TTLL7: variants seen among roughly 807,000 people sequenced by gnomAD.
The protein encoded by TTLL7 is tubulin polyglutamylase TTLL7.
A neutral mutation model predicts 120.2 loss-of-function variants in TTLL7; 53 were observed. That is an observed-to-expected ratio of 0.44 (90% CI 0.35 to 0.55). The LOEUF (loss-of-function observed/expected upper bound fraction) is 0.55, where lower values mean the gene tolerates loss of function less well. Ranked by LOEUF, TTLL7 falls within the 20% of genes least tolerant of loss-of-function variation. The pLI, the probability that TTLL7 is intolerant of heterozygous loss-of-function variation, is 0.00. For synonymous variants in TTLL7, 353 were observed against 351.7 expected (o/e 1.00, Z -0.04); for missense variants, 803 against 1,054.7 (o/e 0.76, Z 3.31).
intron 1 of TTLL7, among the ~76,000 whole-genome samples, chr1:83,988,771 C>A (rs1652718473): frequency 6.6e-6 from 1 of 151,910 alleles, no homozygotes; most frequent in African/African-American, 2.4e-5. Flanking sequence ...TGCGGTGGCA[C>A]GATCTCAGCT....
At chr1:83,976,033 CTG>C (rs34596192) in intron 1 of TTLL7, among the ~76,000 whole-genome samples, 3,138 of 147,844 alleles carry the variant, frequency 0.021, 36 homozygotes, top group Middle Eastern at 0.045. Flanking sequence ...TTGTCTCTCT[CTG>C]TGTGTGTGTG....
Position 83,914,250 on chromosome 1 carries a change from A to G in TTLL7, c.1588-2887T>C, listed in dbSNP as rs1276322730. ...ACTTTTCATGTTTCTACAACATCCT[A>G]TACAGTATCATAACTCCATATCTTT... On this transcript the variant is annotated intron_variant, in intron 14 of 20. Transcript: ENST00000260505. Among the ~76,000 whole-genome samples the G allele has an allele frequency of 2.0e-5, 3 of 150,212 alleles. No homozygotes were observed. In the East Asian group the frequency reaches 5.9e-4, roughly 29 times the overall value.
intron 18 of TTLL7, among the ~76,000 whole-genome samples, chr1:83,890,687 C>T (rs558390458): frequency 2.0e-3 from 281 of 142,800 alleles, no homozygotes; most frequent in Non-Finnish European, 3.6e-3. Flanking sequence ...GATGTGAAGA[C>T]TGCTTGAGCT....
At chr1:83,972,436 A>G (rs1482901362) in intron 1 of TTLL7, among the ~76,000 whole-genome samples, 1 of 152,050 alleles carries the variant, frequency 6.6e-6, no homozygotes, top group African/African-American at 2.4e-5. Flanking sequence ...ATGACTTAAT[A>G]GCTCATTTCT....
At position 83,865,649 on chromosome 1, in the gene TTLL7, A is replaced by C. The variant is rs1362957277; in HGVS notation, c.*4313T>G. On this transcript the variant is annotated 3_prime_UTR_variant, in exon 21 of 21. Transcript: ENST00000260505. ...CATATATCTTGCTTTATATGTATCC[A>C]GACAATAAACGCTTTTTTAGGCATA... is the stretch of plus-strand genomic sequence containing the variant. The C allele has an allele frequency of 6.6e-6, 1 of 152,048 alleles. No individual in the cohort carries two copies. Among genetic ancestry groups the C allele is most frequent in the Non-Finnish European group, 1.5e-5 (1 of 67,896 alleles). 9.4% of individuals were successfully genotyped at this position (152,048 alleles called of 1,614,324 possible).
chr1:83,916,940 A>AT (rs570806640), intron 14 of TTLL7, among the ~76,000 whole-genome samples: 3 of 151,254 alleles, frequency 2.0e-5, no homozygotes, highest in Admixed American at 6.6e-5. Flanking sequence ...AAAAAGAAGA[A>AT]TTTTTTTTTA....
intron 1 of TTLL7, among the ~76,000 whole-genome samples, chr1:83,982,562 C>CA (rs1356554489): frequency 1.3e-5 from 2 of 151,484 alleles, no homozygotes; most frequent in African/African-American, 2.4e-5. Flanking sequence ...TAGCCACACA[C>CA]AAAAAAAATG....
intron 1 of TTLL7, among the ~76,000 whole-genome samples, chr1:83,962,546 C>T (rs1650100297): frequency 6.6e-6 from 1 of 152,124 alleles, no homozygotes; most frequent in South Asian, 2.1e-4. Flanking sequence ...CAACTAGCTC[C>T]TTACCTAACA....
intron 1 of TTLL7, among the ~76,000 whole-genome samples, chr1:83,956,756 G>A (rs1037313689): frequency 1.3e-5 from 2 of 152,080 alleles, no homozygotes; most frequent in African/African-American, 4.8e-5. Context: ...AGTGGAAAAA[G>A]CAAAGTACAT....
At chr1:83,872,319 T>C (rs1398558474) in intron 20 of TTLL7, among the ~76,000 whole-genome samples, 1 of 152,214 alleles carries the variant, frequency 6.6e-6, no homozygotes, top group East Asian at 1.9e-4. Context: ...AAACAAGTGA[T>C]TTCTCACATC....
chr1:83,907,864 G>A (rs1557609117), intron 15 of TTLL7, among the ~76,000 whole-genome samples: 2 of 152,088 alleles, frequency 1.3e-5, no homozygotes, highest in Non-Finnish European at 2.9e-5. Flanking sequence ...CCCCTGTAAT[G>A]TATAAAAAAT....
chr1:83,923,281 AGTTT>A, intron 10 of TTLL7, among the ~76,000 whole-genome samples: 1 of 151,984 alleles, frequency 6.6e-6, no homozygotes. Context: ...TATAGCATTC[AGTTT>A]AAAAGAAAAA....
intron 19 of TTLL7, 102 bp from the exon 20 acceptor site, chr1:83,883,238 G>A: frequency 4.3e-5 from 37 of 864,076 alleles, no homozygotes; most frequent in South Asian, 2.0e-4. Flanking sequence ...AAATAGAAAT[G>A]GTCTCATACA....
chr1:83,927,885 T>C (rs1659266970), intron 10 of TTLL7, among the ~76,000 whole-genome samples: 1 of 152,144 alleles, frequency 6.6e-6, no homozygotes, highest in South Asian at 2.1e-4. Flanking sequence ...CATGCACCCA[T>C]GGAGCTCTCC....
At chr1:83,928,690 GT>G (rs939488424) in intron 10 of TTLL7, among the ~76,000 whole-genome samples, 92 of 149,102 alleles carry the variant, frequency 6.2e-4, no homozygotes, top group Non-Finnish European at 1.2e-4. Flanking sequence ...CCATGTTTGA[GT>G]TTTTTTTTTA....
chr1:83,913,389 A>G (rs377549758), intron 14 of TTLL7, among the ~76,000 whole-genome samples: 1 of 152,168 alleles, frequency 6.6e-6, no homozygotes, highest in East Asian at 1.9e-4. Context: ...ACTTCATGTG[A>G]TATTTATTAT....
intron 14 of TTLL7, among the ~76,000 whole-genome samples, chr1:83,915,538 C>T (rs894379046): frequency 9.2e-5 from 14 of 151,960 alleles, no homozygotes; most frequent in African/African-American, 2.9e-4. Flanking sequence ...CCATAAAAAC[C>T]CTAGAAGAAA....
chr1:83,938,128 C>A, intron 7 of TTLL7, 112 bp from the exon 8 acceptor site: 1 of 840,910 alleles, frequency 1.2e-6, no homozygotes. Flanking sequence ...GTTTAAACTA[C>A]ATAGATGAAC....
chr1:83,904,174 G>C lies in TTLL7; in HGVS notation c.2128-15C>G, dbSNP rs943008494. On this transcript the variant is annotated splice_polypyrimidine_tract_variant and intron_variant, in intron 17 of 20. Coordinates refer to ENST00000260505, the MANE Select transcript of TTLL7 (RefSeq NM_024686.6). ...TTATCAATGATCTGTTTGGAAGGAG[G>C]AACATTAAGAAATTTACAGGTTGAA... 7.5e-6 allele frequency: 12 copies of C among 1,596,912 alleles called. 1 individual carries two copies. The Admixed American group carries it at 1.7e-4, about 23-fold the overall frequency.
Sources: gnomAD v4.1 joint callset for allele counts (sites outside exome capture counted in the v4.1 genomes callset) on GRCh38, gnomAD v4.1.1 for gene constraint, MANE v1.5 for transcripts, NCBI Gene and HGNC (gene_info 2026-07-23, HGNC 2026-07-21) for gene names.